The following GRIN2B variants were observed in gnomAD, a reference collection of about 807,000 sequenced individuals.
The protein encoded by GRIN2B is glutamate ionotropic receptor NMDA type subunit 2B.
Under a neutral mutation model 114.5 loss-of-function variants are expected in GRIN2B, and 5 were observed. That is an observed-to-expected ratio of 0.04 (90% CI 0.02 to 0.09). The LOEUF is 0.09. Among genes scored for constraint, GRIN2B ranks in the 10% least tolerant of loss-of-function variants. GRIN2B has a pLI of 1.00. For missense variants in GRIN2B, 1,108 were observed against 1,943.5 expected (o/e 0.57, Z 8.08); for synonymous variants, 787 against 745.1 (o/e 1.06, Z -0.92).
At chr12:13,856,293 T>C (rs1382171822) in intron 3 of GRIN2B, among the ~76,000 whole-genome samples, 2 of 152,090 alleles carry the variant, frequency 1.3e-5, no homozygotes, top group South Asian at 4.2e-4. Context: ...TTAAGAGAAA[T>C]CCTGGAGAGG....
intron 3 of GRIN2B, among the ~76,000 whole-genome samples, chr12:13,770,349 C>A (rs1176771152): frequency 6.6e-6 from 1 of 152,132 alleles, no homozygotes; most frequent in East Asian, 1.9e-4. Flanking sequence ...TGACACTGAC[C>A]AAGTCTGATT....
Position 13,811,907 on chromosome 12 carries a change from G to A in GRIN2B, c.411+53891C>T, listed in dbSNP as rs191676591. Among the ~76,000 whole-genome samples the A allele has an allele frequency of 1.8e-4, 27 of 152,246 alleles. 1 individual carries two copies. Among genetic ancestry groups the A allele is most frequent in the Admixed American group, 1.2e-3 (19 of 15,288 alleles). On this transcript the variant is annotated intron_variant, in intron 3 of 13. Coordinates refer to ENST00000609686, the MANE Select transcript of GRIN2B (RefSeq NM_000834.5). ...CATGTAGTAAACATACAAAGCTCAG[G>A]GTTTATGAATGGGCCTCAAGGGATC...
intron 5 of GRIN2B, among the ~76,000 whole-genome samples, chr12:13,660,847 C>T (rs543218781): frequency 5.9e-5 from 9 of 152,252 alleles, no homozygotes; most frequent in East Asian, 3.9e-4. Context: ...CTCTTGAGTA[C>T]GGCTCTTCTG....
rs567198343 is a variant in GRIN2B, at chr12:13,778,280, G to C, written c.412-24365C>G. 4.6e-5 allele frequency among the ~76,000 whole-genome samples: 7 copies of C among 152,252 alleles called. No homozygotes were observed. The East Asian group carries it at 1.4e-3, about 29-fold the overall frequency. ...CTCAAACTCTCAGCTTCTACCCCAG[G>C]TGGATTTTTCAAGTTGTTTCTTCTG... On this transcript the variant is annotated intron_variant, in intron 3 of 13. Transcript: ENST00000609686.
chr12:13,608,189 C>A (rs962455101), intron 10 of GRIN2B, among the ~76,000 whole-genome samples: 1 of 152,120 alleles, frequency 6.6e-6, no homozygotes, highest in Non-Finnish European at 1.5e-5. Context: ...AAGGGAGAGC[C>A]CACAGCCAAA....
At chr12:13,782,600 A>G (rs1402377847) in intron 3 of GRIN2B, among the ~76,000 whole-genome samples, 1 of 152,226 alleles carries the variant, frequency 6.6e-6, no homozygotes, top group Non-Finnish European at 1.5e-5. Context: ...ATGATTCAAC[A>G]TGGTTCTCCT....
intron 4 of GRIN2B, among the ~76,000 whole-genome samples, chr12:13,717,164 G>T (rs1375315667): frequency 6.7e-6 from 1 of 150,202 alleles, no homozygotes; most frequent in African/African-American, 2.4e-5. Context: ...TTTACAGTTG[G>T]TAAAGCTGAG....
intron 4 of GRIN2B, among the ~76,000 whole-genome samples, chr12:13,685,100 G>A (rs565422361): frequency 7.9e-5 from 12 of 152,238 alleles, no homozygotes; most frequent in African/African-American, 2.9e-4. Flanking sequence ...AAGTGACCTA[G>A]GTATGATATC....
chr12:13,909,079 T>A (rs575650298), intron 2 of GRIN2B, among the ~76,000 whole-genome samples: 1 of 152,314 alleles, frequency 6.6e-6, no homozygotes, highest in South Asian at 2.1e-4. Flanking sequence ...ATGAATATAC[T>A]TTCTTCTCTC....
intron 3 of GRIN2B, among the ~76,000 whole-genome samples, chr12:13,842,506 T>C (rs1211307125): frequency 1.3e-5 from 2 of 152,234 alleles, no homozygotes; most frequent in African/African-American, 4.8e-5. Flanking sequence ...TGATGCATTC[T>C]GCATACCACT....
chr12:13,755,192 A>C (rs952895458), intron 3 of GRIN2B, among the ~76,000 whole-genome samples: 4 of 152,214 alleles, frequency 2.6e-5, no homozygotes, highest in Admixed American at 6.5e-5. Context: ...CTGGGCTTTT[A>C]AACAAAATTA....
At chr12:13,827,289 T>A (rs1209950540) in intron 3 of GRIN2B, among the ~76,000 whole-genome samples, 4 of 150,974 alleles carry the variant, frequency 2.6e-5, no homozygotes, top group Admixed American at 2.6e-4. Flanking sequence ...TGATTTATAG[T>A]TTTTATCAAT....
chr12:13,812,587 A>T (rs1348538003), intron 3 of GRIN2B, among the ~76,000 whole-genome samples: 4 of 152,208 alleles, frequency 2.6e-5, no homozygotes, highest in Admixed American at 2.6e-4. Flanking sequence ...TACAATATTC[A>T]ACAAATGAAC....
At chr12:13,613,760 A>T (rs927324497) in intron 8 of GRIN2B, among the ~76,000 whole-genome samples, 1 of 152,200 alleles carries the variant, frequency 6.6e-6, no homozygotes, top group Non-Finnish European at 1.5e-5. Context: ...TAACCAAAGG[A>T]TGTACAATGA....
intron 2 of GRIN2B, among the ~76,000 whole-genome samples, chr12:13,960,160 T>C (rs1005580862): frequency 4.6e-5 from 7 of 152,014 alleles, no homozygotes; most frequent in African/African-American, 1.4e-4. Context: ...TCTGCAGACA[T>C]TGGCAAATGT....
intron 5 of GRIN2B, among the ~76,000 whole-genome samples, chr12:13,634,714 A>G (rs1389077306): frequency 1.3e-5 from 2 of 152,192 alleles, no homozygotes; most frequent in Non-Finnish European, 2.9e-5. Context: ...AGTACCCAAC[A>G]GTTTCTGCCA....
At chr12:13,720,706 C>T (rs1472799331) in intron 4 of GRIN2B, among the ~76,000 whole-genome samples, 3 of 151,938 alleles carry the variant, frequency 2.0e-5, no homozygotes, top group Non-Finnish European at 4.4e-5. Context: ...GGAGGGGCTT[C>T]CAGAACTTCT....
intron 4 of GRIN2B, among the ~76,000 whole-genome samples, chr12:13,677,155 T>A (rs1229481026): frequency 6.6e-6 from 1 of 152,192 alleles, no homozygotes; most frequent in Admixed American, 6.5e-5. Context: ...AGCTCTGTGT[T>A]CATATGACAT....
At chr12:13,839,191 C>T (rs985894883) in intron 3 of GRIN2B, among the ~76,000 whole-genome samples, 2 of 152,212 alleles carry the variant, frequency 1.3e-5, no homozygotes, top group African/African-American at 4.8e-5. Context: ...TCCGTCATCT[C>T]TACAGTAGCC....
Sources: allele counts gnomAD v4.1 joint callset (sites outside exome capture counted in the v4.1 genomes callset), GRCh38; gene constraint gnomAD v4.1.1; transcripts MANE v1.5; gene names NCBI Gene and HGNC (gene_info 2026-07-23, HGNC 2026-07-21).